ADAMTSL1: variants seen among roughly 807,000 people sequenced by gnomAD.
The protein encoded by ADAMTSL1 is ADAMTS-like protein 1.
In ADAMTSL1, 126 loss-of-function variants were observed where a neutral mutation model predicts 201.8. That is an observed-to-expected ratio of 0.62 (90% CI 0.54 to 0.72). The LOEUF (loss-of-function observed/expected upper bound fraction) is 0.72. Among genes scored for constraint, ADAMTSL1 ranks in the 30% least tolerant of loss-of-function variants. ADAMTSL1 has a pLI of 0.00. For synonymous variants in ADAMTSL1, 1,121 were observed against 903.4 expected (o/e 1.24, Z -4.32); for missense variants, 2,679 against 2,277.8 (o/e 1.18, Z -3.59).
chr9:18,737,338 A>G (rs1226104030), intron 15 of ADAMTSL1, among the ~76,000 whole-genome samples: 1 of 150,930 alleles, frequency 6.6e-6, no homozygotes, highest in African/African-American at 2.4e-5. Flanking sequence ...AAAAAAAAAA[A>G]AAAAAGTGAA....
intron 14 of ADAMTSL1, among the ~76,000 whole-genome samples, chr9:18,720,013 A>ATAGGTATCTTTAAATG: frequency 6.6e-6 from 1 of 152,352 alleles, no homozygotes; most frequent in African/African-American, 2.4e-5. Context: ...CCAGCTATAG[A>ATAGGTATCTTTAAATG]TAGGTATCTT....
At chr9:18,814,280 G>C (rs1403185690) in intron 20 of ADAMTSL1, among the ~76,000 whole-genome samples, 1 of 152,068 alleles carries the variant, frequency 6.6e-6, no homozygotes, top group African/African-American at 2.4e-5. Flanking sequence ...GTTGAATTTG[G>C]TTTGCTAGTA....
At chr9:18,053,168 G>T (rs919351669) in intron 1 of ADAMTSL1, among the ~76,000 whole-genome samples, 6 of 152,178 alleles carry the variant, frequency 3.9e-5, no homozygotes, top group African/African-American at 1.4e-4. Context: ...GCCTGAGAAT[G>T]CAGGTTGGAC....
Position 18,777,148 on chromosome 9 carries a change from C to A in ADAMTSL1, c.2919C>A (p.Ser973Arg), listed in dbSNP as rs1361277303. 6.2e-7 allele frequency: 1 copy of A among 1,612,948 alleles called. No individual in the cohort carries two copies. Among genetic ancestry groups the A allele is most frequent in the Non-Finnish European group, 8.5e-7 (1 of 1,179,810 alleles). Residue 973 changes from serine (S) to arginine (R), a missense_variant, in exon 19 of 29, where the codon AGC becomes AGA. By Grantham distance (110) the Ser-to-Arg change is moderately radical (BLOSUM62 -1). Transcript: ENST00000380548. ...GNRKLVARPL[S>R]PRSEEEVLAG... Reference sequence around the variant, plus strand: ...GCAAGCTCGTGGCCCGGCCCTTGAGCCCGAGAAGTGAGGAAGAGGTGCTTG... The same window carrying A: ...GCAAGCTCGTGGCCCGGCCCTTGAGACCGAGAAGTGAGGAAGAGGTGCTTG...
chr9:18,050,088 G>T (rs1005631593), intron 1 of ADAMTSL1, among the ~76,000 whole-genome samples: 83 of 152,162 alleles, frequency 5.5e-4, no homozygotes, highest in African/African-American at 1.9e-3. Flanking sequence ...AGTGGAAAAT[G>T]TTAATGTTTG....
intron 1 of ADAMTSL1, among the ~76,000 whole-genome samples, chr9:18,061,051 C>G (rs1404736427): frequency 6.6e-6 from 1 of 152,160 alleles, no homozygotes; most frequent in Non-Finnish European, 1.5e-5. Context: ...GAGGGTTTTA[C>G]TGTCCTTGTA....
At chr9:18,163,503 C>A (rs1282218946) in intron 1 of ADAMTSL1, among the ~76,000 whole-genome samples, 2 of 151,940 alleles carry the variant, frequency 1.3e-5, no homozygotes, top group East Asian at 3.9e-4. Flanking sequence ...AAGGATTGAT[C>A]CCTGTGGGTC....
At chr9:18,450,129 A>C (rs1296594007) in intron 2 of ADAMTSL1, among the ~76,000 whole-genome samples, 1 of 152,228 alleles carries the variant, frequency 6.6e-6, no homozygotes, top group African/African-American at 2.4e-5. Flanking sequence ...CCAAATGTCC[A>C]TTAACTAGTA....
intron 4 of ADAMTSL1, among the ~76,000 whole-genome samples, chr9:18,595,565 A>G (rs1824207637): frequency 6.6e-6 from 1 of 152,190 alleles, no homozygotes; most frequent in African/African-American, 2.4e-5. Context: ...ACAGAAGTAG[A>G]TGAGCCTGTC....
intron 13 of ADAMTSL1, among the ~76,000 whole-genome samples, chr9:18,692,558 C>T (rs529063183): frequency 1.3e-5 from 2 of 152,256 alleles, no homozygotes; most frequent in Admixed American, 1.3e-4. Context: ...CTGTCACCAC[C>T]AATATATGTT....
At chr9:18,390,286 C>G (rs1301421469) in intron 2 of ADAMTSL1, among the ~76,000 whole-genome samples, 3 of 152,198 alleles carry the variant, frequency 2.0e-5, no homozygotes, top group East Asian at 3.9e-4. Flanking sequence ...GGTAATTTTC[C>G]TCCAGGTAAT....
intron 1 of ADAMTSL1, among the ~76,000 whole-genome samples, chr9:17,995,062 T>C (rs1320193994): frequency 2.6e-5 from 4 of 152,162 alleles, no homozygotes; most frequent in Non-Finnish European, 5.9e-5. Flanking sequence ...TAGCACTACC[T>C]AGGGAGCTTG....
At chr9:18,021,606 T>G (rs1016163660) in intron 1 of ADAMTSL1, among the ~76,000 whole-genome samples, 1 of 152,152 alleles carries the variant, frequency 6.6e-6, no homozygotes, top group Non-Finnish European at 1.5e-5. Flanking sequence ...AGAAAACAAT[T>G]ATTAGTAAGG....
At chr9:18,753,249 C>T in intron 15 of ADAMTSL1, 49 bp from the exon 16 acceptor site, 3 of 1,540,870 alleles carry the variant, frequency 1.9e-6, no homozygotes, top group Non-Finnish European at 2.7e-6. Context: ...GAAACATTCT[C>T]TGCACAGGTA....
chr9:18,227,952 T>A (rs1830492063), intron 2 of ADAMTSL1, among the ~76,000 whole-genome samples: 1 of 152,196 alleles, frequency 6.6e-6, no homozygotes, highest in Non-Finnish European at 1.5e-5. Context: ...GTTCATTGTT[T>A]GGAACTCACA....
chr9:18,169,197 G>GC (rs1438568869), intron 2 of ADAMTSL1, among the ~76,000 whole-genome samples: 2 of 151,820 alleles, frequency 1.3e-5, no homozygotes, highest in Non-Finnish European at 2.9e-5. Context: ...TGAAGTCCTT[G>GC]CCCATGCCTA....
intron 2 of ADAMTSL1, among the ~76,000 whole-genome samples, chr9:18,327,238 A>G (rs1429652229): frequency 1.3e-5 from 2 of 152,226 alleles, no homozygotes; most frequent in African/African-American, 4.8e-5. Context: ...TACCAAATCA[A>G]CTGAAACATA....
At chr9:18,642,249 A>G (rs1827492996) in intron 7 of ADAMTSL1, among the ~76,000 whole-genome samples, 1 of 151,806 alleles carries the variant, frequency 6.6e-6, no homozygotes, top group Non-Finnish European at 1.5e-5. Context: ...TGAGATGTGG[A>G]CATTGTCTTA....
At chr9:18,463,992 T>C (rs1330876234) in intron 2 of ADAMTSL1, among the ~76,000 whole-genome samples, 2 of 152,236 alleles carry the variant, frequency 1.3e-5, no homozygotes, top group Non-Finnish European at 2.9e-5. Flanking sequence ...TTATGTGCCA[T>C]GCAGCTATGC....
Sources: allele counts gnomAD v4.1 joint callset (sites outside exome capture counted in the v4.1 genomes callset), GRCh38; gene constraint gnomAD v4.1.1; transcripts MANE v1.5; gene names NCBI Gene and HGNC (gene_info 2026-07-23, HGNC 2026-07-21).